The following CACNA1E variants were observed in gnomAD, a reference collection of about 807,000 sequenced individuals.
CACNA1E encodes voltage-dependent R-type calcium channel subunit alpha-1E.
CACNA1E carries 40 observed loss-of-function variants against 259.2 expected under a neutral mutation model. The observed-to-expected ratio is 0.15, with a 90% confidence interval of 0.12 to 0.20. CACNA1E has a LOEUF of 0.20. Among genes scored for constraint, CACNA1E ranks in the 10% least tolerant of loss-of-function variants. The pLI, the probability that CACNA1E is intolerant of heterozygous loss-of-function variation, is 1.00. For synonymous variants in CACNA1E, 1,104 were observed against 1,138.5 expected (o/e 0.97, Z 0.61); for missense variants, 1,874 against 3,040.1 (o/e 0.62, Z 9.02).
rs1460952209 is a variant in CACNA1E, at chr1:181,776,869, T to C, written c.5267+641T>C. Among the ~76,000 whole-genome samples the C allele has an allele frequency of 2.6e-5, 4 of 152,238 alleles. No individual in the cohort carries two copies. The highest frequency in any genetic ancestry group is 4.4e-5 in the Non-Finnish European group (3 of 68,036). On this transcript the variant is annotated intron_variant, in intron 38 of 47. Coordinates refer to ENST00000367573, the MANE Select transcript of CACNA1E (RefSeq NM_001205293.3). The surrounding 1 kb of genome is among the most constrained non-coding windows in gnomAD (Gnocchi z 4.4). ...CTAGAGCAGGGATTGGCAAACTACA[T>C]CCCATGGGCAAAATTCAGCCCATTG...
intron 38 of CACNA1E, among the ~76,000 whole-genome samples, chr1:181,777,277 A>G (rs1017025753): frequency 6.6e-6 from 1 of 152,148 alleles, no homozygotes; most frequent in Non-Finnish European, 1.5e-5. Flanking sequence ...TCCTCTATCC[A>G]TTCTGGTCCC....
chr1:181,634,137 A>G (rs1400971718), intron 6 of CACNA1E, among the ~76,000 whole-genome samples: 1 of 152,154 alleles, frequency 6.6e-6, no homozygotes, highest in Non-Finnish European at 1.5e-5. Context: ...GTGGGTTTGA[A>G]TTCTAGCTCT....
chr1:181,715,316 C>T (rs1653784882), intron 8 of CACNA1E, 22 bp from the exon 9 acceptor site: 2 of 1,522,826 alleles, frequency 1.3e-6, no homozygotes, highest in Admixed American at 3.5e-5. Flanking sequence ...GATAATTTAC[C>T]AAACCATTTG....
chr1:181,446,426 C>T (rs1239856993), intron 2 of CACNA1E, among the ~76,000 whole-genome samples: 1 of 152,240 alleles, frequency 6.6e-6, no homozygotes. Flanking sequence ...ATACAGCAGA[C>T]TGCTGTTTCA....
chr1:181,744,105 C>A (rs914400245), intron 25 of CACNA1E, among the ~76,000 whole-genome samples: 2 of 152,264 alleles, frequency 1.3e-5, no homozygotes, highest in Non-Finnish European at 2.9e-5. Flanking sequence ...ATGAGTCAAT[C>A]TGCCTCTTGA....
intron 6 of CACNA1E, among the ~76,000 whole-genome samples, chr1:181,602,650 C>A (rs904138954): frequency 6.6e-6 from 1 of 152,120 alleles, no homozygotes; most frequent in Non-Finnish European, 1.5e-5. Context: ...TTGCACTAGG[C>A]CCTTTGGTGA....
intron 6 of CACNA1E, among the ~76,000 whole-genome samples, chr1:181,646,587 AG>A (rs1369338515): frequency 6.6e-6 from 1 of 152,188 alleles, no homozygotes; most frequent in Non-Finnish European, 1.5e-5. Context: ...CTCTGTGAAG[AG>A]GGTGCACAGA....
chr1:181,603,027 G>A (rs879815797), intron 6 of CACNA1E, among the ~76,000 whole-genome samples: 9 of 152,216 alleles, frequency 5.9e-5, no homozygotes, highest in Non-Finnish European at 1.3e-4. Flanking sequence ...TTCAGGTGCC[G>A]TAAGAAGCCT....
intron 6 of CACNA1E, among the ~76,000 whole-genome samples, chr1:181,630,813 G>A (rs1247346235): frequency 1.2e-4 from 18 of 152,128 alleles, no homozygotes; most frequent in Non-Finnish European, 1.9e-4. Context: ...CTCAAAAGTC[G>A]TCACCCTGGG....
intron 2 of CACNA1E, among the ~76,000 whole-genome samples, chr1:181,465,628 C>T (rs985283893): frequency 1.3e-5 from 2 of 152,060 alleles, no homozygotes; most frequent in African/African-American, 4.8e-5. Flanking sequence ...TATCTATTGC[C>T]TTTAATTTCA....
intron 3 of CACNA1E, among the ~76,000 whole-genome samples, chr1:181,573,223 CTTGTATT>C (rs1439671440): frequency 4.6e-5 from 7 of 152,126 alleles, no homozygotes; most frequent in Non-Finnish European, 8.8e-5. Context: ...CAGCAAGCAC[CTTGTATT>C]TGTCACTGCG....
chr1:181,396,529 TG>T (rs1460172350), intron 1 of CACNA1E, among the ~76,000 whole-genome samples: 1 of 152,182 alleles, frequency 6.6e-6, no homozygotes, highest in Admixed American at 6.5e-5. Flanking sequence ...ATGACTCTTT[TG>T]AAGAGTTTGT....
intron 1 of CACNA1E, among the ~76,000 whole-genome samples, chr1:181,338,169 T>A (rs1651863980): frequency 6.6e-6 from 1 of 152,204 alleles, no homozygotes; most frequent in Admixed American, 6.5e-5. Context: ...CACTGCAACC[T>A]CTGCCTCCCA....
intron 2 of CACNA1E, among the ~76,000 whole-genome samples, chr1:181,472,171 T>C (rs543223019): frequency 1.6e-5 from 2 of 127,628 alleles, no homozygotes; most frequent in Admixed American, 9.5e-5. Context: ...TGATCTCACA[T>C]ATGTAGAATG....
chr1:181,784,520 C>A, intron 40 of CACNA1E, 141 bp from the exon 41 acceptor site: 1 of 585,988 alleles, frequency 1.7e-6, no homozygotes, highest in Non-Finnish European at 3.0e-6. Context: ...CCTGGTATTG[C>A]AAGATCCACT....
chr1:181,321,426 T>G (rs1044902375), intron 1 of CACNA1E, among the ~76,000 whole-genome samples: 5 of 152,220 alleles, frequency 3.3e-5, no homozygotes, highest in African/African-American at 1.2e-4. Context: ...TTTTCAGGGT[T>G]TGTCTGCACC....
chr1:181,549,991 C>T (rs185467547), intron 3 of CACNA1E, among the ~76,000 whole-genome samples: 11 of 152,198 alleles, frequency 7.2e-5, no homozygotes, highest in African/African-American at 2.4e-4. Flanking sequence ...CATAGACCTC[C>T]CAGCACTCAG....
At chr1:181,412,795 C>T (rs1485199071) in intron 1 of CACNA1E, among the ~76,000 whole-genome samples, 1 of 152,184 alleles carries the variant, frequency 6.6e-6, no homozygotes, top group Non-Finnish European at 1.5e-5. Flanking sequence ...ACCTTACCAA[C>T]GCGGCATATC....
rs1658687082 is a variant in CACNA1E at position 181,420,939 on chromosome 1, G to A, written c.434+7359G>A. On this transcript the variant is annotated intron_variant, in intron 2 of 11. Coordinates refer to the CACNA1E transcript ENST00000524607. ...GAGAAGTCTGTCTGCTCCCCATTGT[G>A]TCTCCTTTACTTAGTACTGTGTTGG... Among the ~76,000 whole-genome samples, 3 of 152,088 alleles carry A rather than the reference G, an allele frequency of 2.0e-5. No individual in the cohort carries two copies. The South Asian group carries it at 6.2e-4, about 32-fold the overall frequency.
Sources: gnomAD v4.1 joint callset for allele counts (sites outside exome capture counted in the v4.1 genomes callset) on GRCh38, gnomAD v4.1.1 for gene constraint, Gnocchi (gnomAD v3.1) non-coding constraint, MANE v1.5 for transcripts, NCBI Gene and HGNC (gene_info 2026-07-23, HGNC 2026-07-21) for gene names.